PRTG: variants seen among roughly 807,000 people sequenced by gnomAD.
PRTG encodes protogenin, also known as immunoglobulin superfamily, DCC subclass, member 5.
Under a neutral mutation model 122.5 loss-of-function variants are expected in PRTG, and 67 were observed. That is an observed-to-expected ratio of 0.55 (90% CI 0.45 to 0.67). The LOEUF is 0.67. PRTG is among the 30% of genes least tolerant of loss of function. The pLI is 0.00. For synonymous variants in PRTG, 554 were observed against 501.1 expected, an observed-to-expected ratio of 1.11 and a Z score of -1.41; for missense variants, 1,435 against 1,415.4, an observed-to-expected ratio of 1.01 and a Z score of -0.22.
chr15:55,683,044 A>C (rs781658782), intron 3 of PRTG, among the ~76,000 whole-genome samples: 1 of 152,234 alleles, frequency 6.6e-6, no homozygotes, highest in Non-Finnish European at 1.5e-5. Context: ...GCAATCTATC[A>C]GTCGAATTTT....
chr15:55,709,988 T>C (rs1286030024), intron 2 of PRTG, among the ~76,000 whole-genome samples: 1 of 152,142 alleles, frequency 6.6e-6, no homozygotes, highest in African/African-American at 2.4e-5. Context: ...GTGCAGTTTA[T>C]TGTGCATCAA....
rs1189144923 is a variant in PRTG, at chr15:55,638,532, G to A, written c.2452+17C>T. ...TTTTTTTTAAAGATAAAATCTATAGGGAGCTGTTTTCTTTACCTTCTGGAA... is the reference window on the plus strand; with the variant it reads ...TTTTTTTTAAAGATAAAATCTATAGAGAGCTGTTTTCTTTACCTTCTGGAA... On this transcript the variant is annotated intron_variant, in intron 14 of 19. Coordinates refer to ENST00000389286, the MANE Select transcript of PRTG (RefSeq NM_173814.6). The A allele has an allele frequency of 3.8e-6, 6 of 1,578,434 alleles. No individual in the cohort carries two copies. Among genetic ancestry groups the A allele is most frequent in the East Asian group, 2.2e-5 (1 of 44,498 alleles).
chr15:55,638,166 A>C (rs974619981), intron 14 of PRTG, among the ~76,000 whole-genome samples: 1 of 152,240 alleles, frequency 6.6e-6, no homozygotes, highest in Non-Finnish European at 1.5e-5. Context: ...CACTGTGCAC[A>C]CTATCAAGCT....
At chr15:55,668,512 T>C (rs575177630) in intron 11 of PRTG, among the ~76,000 whole-genome samples, 5 of 152,288 alleles carry the variant, frequency 3.3e-5, no homozygotes, top group African/African-American at 4.8e-5. Context: ...ATAACAAGTA[T>C]TTAAAAATCC....
intron 11 of PRTG, among the ~76,000 whole-genome samples, chr15:55,650,819 T>G (rs1014720854): frequency 6.6e-6 from 1 of 151,846 alleles, no homozygotes; most frequent in Non-Finnish European, 1.5e-5. Flanking sequence ...ATACAGAAAT[T>G]AGCTAGGCAT....
rs139676245 is a variant in PRTG, at chr15:55,617,764, T to C, written c.*2248A>G. On this transcript the variant is annotated 3_prime_UTR_variant, in exon 20 of 20. Transcript: ENST00000389286. ...AAAACCACTCGAATTCATGTAGTCC[T>C]AGACACATCTTCCATAACCATGATG... 238 of 152,316 alleles carry C rather than the reference T, an allele frequency of 1.6e-3. No homozygotes were observed. Among genetic ancestry groups the C allele is most frequent in the African/African-American group, 5.4e-3 (224 of 41,580 alleles). The allele number at this position is 152,316 out of a possible 1,614,324, so 9.4% of individuals were successfully genotyped here.
intron 11 of PRTG, among the ~76,000 whole-genome samples, chr15:55,645,315 T>C (rs1237927727): frequency 2.0e-5 from 3 of 147,170 alleles, no homozygotes; most frequent in Non-Finnish European, 3.0e-5. Context: ...GTGCCTGTAG[T>C]CCCAGCTACA....
intron 2 of PRTG, among the ~76,000 whole-genome samples, chr15:55,691,791 A>G (rs1024442932): frequency 6.6e-6 from 1 of 152,124 alleles, no homozygotes; most frequent in Non-Finnish European, 1.5e-5. Context: ...ATCTCAAACA[A>G]AAGTATGTCT....
chr15:55,675,547 G>A lies in PRTG; in HGVS notation c.1518C>T (p.Asp506=). The A allele has an allele frequency of 6.2e-7, 1 of 1,611,916 alleles. No homozygotes were observed. Among genetic ancestry groups the A allele is most frequent in the East Asian group, 2.2e-5 (1 of 44,834 alleles). The part of the protein sequence containing the change: ...YMPMGASQMS[D]HVTQNTLEDV... ...CCTCTAGAGTATTCTGTGTCACATG[G>A]TCAGACATCTGGCTGGCTCCCATTG... is the stretch of plus-strand genomic sequence containing the variant. The change falls in exon 9 of 20, where the codon GAC becomes GAT. Residue 506 remains aspartate, a synonymous_variant. Coordinates refer to ENST00000389286, the MANE Select transcript of PRTG (RefSeq NM_173814.6).
intron 15 of PRTG, 115 bp from the exon 16 acceptor site, chr15:55,629,119 CAT>C: frequency 1.7e-6 from 1 of 579,592 alleles, no homozygotes; most frequent in South Asian, 3.7e-5. Context: ...AAAGATGACA[CAT>C]ATTGTAGAAC....
At position 55,724,005 on chromosome 15, in the gene PRTG, C is replaced by G. The variant is rs142796625; in HGVS notation, c.397+16377G>C. Among the ~76,000 whole-genome samples, 688 of 152,204 alleles carry G rather than the reference C, an allele frequency of 4.5e-3. 2 individuals carry two copies. The highest frequency in any genetic ancestry group is 9.8e-3 in the Admixed American group (150 of 15,294). On this transcript the variant is annotated intron_variant, in intron 2 of 19. Coordinates refer to ENST00000389286, the MANE Select transcript of PRTG (RefSeq NM_173814.6). ...TGACCTCATGATCCGCCTGCCTCGG[C>G]CTCCCAAAGTGCTAGGATTACATAC...
Position 55,614,322 on chromosome 15 carries a change from T to A in PRTG, c.*5690A>T, listed in dbSNP as rs1205892873. The A allele has an allele frequency of 6.6e-6, 1 of 152,098 alleles. No individual in the cohort carries two copies. Among genetic ancestry groups the A allele is most frequent in the Non-Finnish European group, 1.5e-5 (1 of 67,986 alleles). 9.4% of individuals were successfully genotyped at this position (152,098 alleles called of 1,614,324 possible). On this transcript the variant is annotated 3_prime_UTR_variant, in exon 20 of 20. Coordinates refer to ENST00000389286, the MANE Select transcript of PRTG (RefSeq NM_173814.6). ...TGATGGCATAAGGAGAGGCTCTTGC[T>A]GAGAAGGATGGGGAATGTGAGGGTT...
Position 55,616,736 on chromosome 15 carries a change from A to AT in PRTG, c.*3275dup, listed in dbSNP as rs2059143487. 1 of 152,170 alleles carries AT rather than the reference A, an allele frequency of 6.6e-6. No individual in the cohort carries two copies. Among genetic ancestry groups the AT allele is most frequent in the South Asian group, 2.1e-4 (1 of 4,834 alleles). 9.4% of individuals were successfully genotyped at this position (152,170 alleles called of 1,614,324 possible). A position where few individuals can be genotyped will look rare whatever the true frequency, so the allele number is the denominator to read the frequency against. ...TGGTTTTTTTCTTTTTAATTTGCTGATAAAAAGTACTTGAATAAAAACACT... is the reference window on the plus strand; with the variant it reads ...TGGTTTTTTTCTTTTTAATTTGCTGATTAAAAAGTACTTGAATAAAAACACT... On this transcript the variant is annotated 3_prime_UTR_variant, in exon 20 of 20. Transcript: ENST00000389286.
intron 1 of PRTG, 196 bp downstream of exon 1, chr15:55,742,642 G>A (rs1175020436): frequency 1.6e-6 from 1 of 620,212 alleles, no homozygotes; most frequent in Non-Finnish European, 2.7e-6. Context: ...AAGCAGCGCA[G>A]AGGCCGCAAG....
intron 2 of PRTG, among the ~76,000 whole-genome samples, chr15:55,738,053 A>ACACAC (rs2031488219): frequency 2.4e-5 from 2 of 83,544 alleles, no homozygotes; most frequent in African/African-American, 7.5e-5. Flanking sequence ...CACACACACC[A>ACACAC]CACACACTCT....
chr15:55,704,765 G>A (rs573893971), intron 2 of PRTG, among the ~76,000 whole-genome samples: 1 of 152,194 alleles, frequency 6.6e-6, no homozygotes, highest in Admixed American at 6.5e-5. Flanking sequence ...CAATCACTAC[G>A]AAATGCCTCT....
intron 16 of PRTG, among the ~76,000 whole-genome samples, chr15:55,627,926 G>C (rs530527140): frequency 3.9e-5 from 6 of 152,284 alleles, no homozygotes; most frequent in East Asian, 1.9e-4. Context: ...GATTCTGCGA[G>C]TCTACGGAGC....
intron 15 of PRTG, 68 bp from the exon 16 acceptor site, chr15:55,629,072 C>T: frequency 9.7e-7 from 1 of 1,026,600 alleles, no homozygotes; most frequent in South Asian, 2.1e-5. Flanking sequence ...ATTATACAAA[C>T]ACGTTCCTTT....
chr15:55,677,046 T>C (rs28723010), intron 8 of PRTG, among the ~76,000 whole-genome samples: 3,105 of 152,284 alleles, frequency 0.02, 113 homozygotes, highest in African/African-American at 0.069. Flanking sequence ...TGTTGAAGTA[T>C]AGAACTGAAA....
Sources: allele counts gnomAD v4.1 joint callset (sites outside exome capture counted in the v4.1 genomes callset), GRCh38; gene constraint gnomAD v4.1.1; transcripts MANE v1.5; gene names NCBI Gene and HGNC (gene_info 2026-07-23, HGNC 2026-07-21).